Variants in CFAP74 observed in about 807,000 individuals in gnomAD.
The protein encoded by CFAP74 is cilia- and flagella-associated protein 74.
Under a neutral mutation model 188.9 loss-of-function variants are expected in CFAP74, and 124 were observed. The observed-to-expected ratio is 0.66, with a 90% CI of 0.57 to 0.76. The LOEUF is 0.76. CFAP74 is among the 30% of genes least tolerant of loss of function. The pLI is 0.00. For missense variants in CFAP74, 2,198 were observed against 2,165.2 expected (o/e 1.02, Z -0.30); for synonymous variants, 956 against 916.7 (o/e 1.04, Z -0.77).
Position 1,985,372 on chromosome 1 carries a change from GCA to G in CFAP74, c.500+12_500+13del, listed in dbSNP as rs768417167. 6.2e-7 allele frequency: 1 copy of G among 1,608,222 alleles called. No individual in the cohort carries two copies. The highest frequency in any genetic ancestry group is 8.5e-7 in the Non-Finnish European group (1 of 1,174,814). On this transcript the variant is annotated intron_variant, in intron 6 of 38. Coordinates refer to ENST00000682832, the MANE Select transcript of CFAP74 (RefSeq NM_001304360.2). Reference sequence around the variant, plus strand: ...GGCCTGCCTGCTGCCAGTCCCGGCTGCACACCGACTCACTCGCTCTCCTTCAG... The same window carrying G: ...GGCCTGCCTGCTGCCAGTCCCGGCTGCACCGACTCACTCGCTCTCCTTCAG...
Position 1,922,641 on chromosome 1 carries a change from C to G in CFAP74, c.4766G>C (p.Arg1589Pro), listed in dbSNP as rs757596178. 1.2e-6 allele frequency: 2 copies of G among 1,604,286 alleles called. No homozygotes were observed. The change falls in exon 38 of 39, where the codon CGC (arginine) becomes CCC (proline). Residue 1589 changes from arginine to proline, a missense_variant. Transcript: ENST00000682832. Reference sequence around the variant, plus strand: ...GATGCTGATGGTCTTCGTCTGGCCGCGCTCCACGGAGCCCCTGGAGGGCTC... The same window carrying G: ...GATGCTGATGGTCTTCGTCTGGCCGGGCTCCACGGAGCCCCTGGAGGGCTC... ...SIEPSRGSVE[R>P]GQTKTISISW...
At chr1:1,988,863 C>T (rs1448087394) in intron 3 of CFAP74, 26 bp downstream of exon 3, 3 of 915,112 alleles carry the variant, frequency 3.3e-6, no homozygotes, top group Admixed American at 4.1e-5. Flanking sequence ...CCCACACCCA[C>T]CTCCACCCCC....
In CFAP74 at chr1:1,942,021, C is replaced by T; in HGVS notation, c.2615+7G>A. On this transcript the variant is annotated splice_region_variant and intron_variant, in intron 22 of 38. Transcript: ENST00000682832. This position sits in a 1 kb window ranked among gnomAD's most constrained non-coding sequence, Gnocchi z 4.3. ...TCCTGTCCCGGCCTTGGCGTCCTGG[C>T]ACCTACCGCGGCAGGAACTTGAGCT... The T allele has an allele frequency of 4.7e-6, 7 of 1,491,590 alleles. No homozygotes were observed. The highest frequency in any genetic ancestry group is 1.3e-5 in the South Asian group (1 of 76,900). 92.4% of individuals were successfully genotyped at this position (1,491,590 alleles called of 1,614,324 possible). A position where few individuals can be genotyped will look rare whatever the true frequency, so the allele number is the denominator to read the frequency against.
chr1:1,941,992 G>A (rs567734918), intron 22 of CFAP74, 36 bp downstream of exon 22: 21 of 1,448,342 alleles, frequency 1.4e-5, no homozygotes, highest in Admixed American at 1.3e-4. Context: ...AACCTCCCAC[G>A]TCCTCCTGTC....
intron 12 of CFAP74, among the ~76,000 whole-genome samples, chr1:1,965,864 C>T (rs935822871): frequency 1.3e-5 from 2 of 152,242 alleles, no homozygotes; most frequent in Admixed American, 1.3e-4. Context: ...GCATTGCCCT[C>T]CCACGTGGGA....
chr1:1,978,657 G>A (rs1280321218), intron 6 of CFAP74, among the ~76,000 whole-genome samples: 4 of 152,160 alleles, frequency 2.6e-5, no homozygotes, highest in African/African-American at 7.2e-5. Context: ...GGAGGCTTCC[G>A]TGGGGAACCA....
intron 1 of CFAP74, among the ~76,000 whole-genome samples, chr1:1,991,902 T>A (rs565159551): frequency 3.3e-5 from 5 of 151,606 alleles, no homozygotes; most frequent in African/African-American, 4.8e-5. Flanking sequence ...TAGCCGGGCA[T>A]GGTGGCAGGC....
At chr1:1,955,494 T>C in intron 18 of CFAP74, 197 bp downstream of exon 18, 1 of 1,601,156 alleles carries the variant, frequency 6.2e-7, no homozygotes, top group Non-Finnish European at 8.5e-7. Flanking sequence ...TCAACGTGAA[T>C]GTACATTTTC....
chr1:1,925,476 A>AGGGGGTGGGTGGTGGGTGG (rs2102029692), intron 33 of CFAP74, among the ~76,000 whole-genome samples: 1 of 80,700 alleles, frequency 1.2e-5, no homozygotes, highest in Admixed American at 1.4e-4. Context: ...GCAGCAGGGC[A>AGGGGGTGGGTGGTGGGTGG]GGGGGTGGGT....
chr1:1,970,903 T>C (rs1448080020), intron 9 of CFAP74, 87 bp from the exon 10 acceptor site: 2 of 1,522,416 alleles, frequency 1.3e-6, no homozygotes, highest in East Asian at 4.5e-5. Context: ...ACACACAGGT[T>C]CATACATGCA....
At position 1,989,103 on chromosome 1, in the gene CFAP74, G is replaced by T; in HGVS notation, c.68-130C>A. On this transcript the variant is annotated intron_variant, in intron 2 of 38. Transcript: ENST00000682832. ...AACCTGCTGCACTGCAGCCACACAAGCACAGGCAGAGGTAAACAGCCTGGG... is the reference window on the plus strand; with the variant it reads ...AACCTGCTGCACTGCAGCCACACAATCACAGGCAGAGGTAAACAGCCTGGG... The T allele has an allele frequency of 6.5e-6, 3 of 463,932 alleles. No homozygotes were observed. The South Asian group carries it at 6.7e-5, about 10-fold the overall frequency. 28.7% of individuals were successfully genotyped at this position (463,932 alleles called of 1,614,324 possible). A position where few individuals can be genotyped will look rare whatever the true frequency, so the allele number is the denominator to read the frequency against.
chr1:1,942,087 G>A lies in CFAP74; in HGVS notation c.2556C>T (p.Pro852=), dbSNP rs762639624. 3.5e-5 allele frequency: 54 copies of A among 1,532,312 alleles called. 2 individuals carry two copies. The South Asian group carries it at 4.2e-4, about 12-fold the overall frequency. 94.9% of individuals were successfully genotyped at this position (1,532,312 alleles called of 1,614,324 possible). ...ACTGTGCCTGGATATAGCCTGTCTTGGGCAGGAGCTCCAGGTGGGCCCTCA... is the reference window on the plus strand; with the variant it reads ...ACTGTGCCTGGATATAGCCTGTCTTAGGCAGGAGCTCCAGGTGGGCCCTCA... ...KELRAHLELL[P]KTGYIQAQSS... The change falls in exon 22 of 39, where the codon CCC becomes CCT. Residue 852 remains proline, a synonymous_variant. Coordinates refer to ENST00000682832, the MANE Select transcript of CFAP74 (RefSeq NM_001304360.2). The surrounding 1 kb of genome is among the most constrained non-coding windows in gnomAD (Gnocchi z 4.3).
intron 8 of CFAP74, 70 bp from the exon 9 acceptor site, chr1:1,972,152 C>A: frequency 8.4e-7 from 1 of 1,187,894 alleles, no homozygotes; most frequent in Non-Finnish European, 1.2e-6. Flanking sequence ...GCGATCACAG[C>A]TCTCTGCAGC....
chr1:1,990,820 C>A (rs548016402), intron 2 of CFAP74, 70 bp downstream of exon 2: 2 of 1,191,482 alleles, frequency 1.7e-6, no homozygotes, highest in Non-Finnish European at 2.4e-6. Context: ...AATTAAAGGG[C>A]TACTATGAAG....
chr1:1,981,930 G>A (rs868771866), intron 6 of CFAP74, among the ~76,000 whole-genome samples: 2 of 64,352 alleles, frequency 3.1e-5, no homozygotes, highest in South Asian at 6.1e-4. Flanking sequence ...ACACAGCCGC[G>A]GACAGACACG....
chr1:1,922,331 T>C lies in CFAP74; in HGVS notation c.4876A>G (p.Thr1626Ala). 6.2e-7 allele frequency: 1 copy of C among 1,605,276 alleles called. No individual in the cohort carries two copies. Among genetic ancestry groups the C allele is most frequent in the Non-Finnish European group, 8.5e-7 (1 of 1,177,600 alleles). The change falls in exon 39 of 39, where the codon ACC (threonine) becomes GCC (alanine). Residue 1626 changes from threonine to alanine, a missense_variant. Transcript: ENST00000682832. ...LLQLRGDVKE[T>A]YKVIFVAQVL... Reference sequence around the variant, plus strand: ...TGGGCTACAAAGATGACCTTGTAGGTCTCCTTCACATCCCCCCTTAGCTGC... The same window carrying C: ...TGGGCTACAAAGATGACCTTGTAGGCCTCCTTCACATCCCCCCTTAGCTGC...
rs1652018786 is a variant in CFAP74 at position 1,927,669 on chromosome 1, G to A, written c.3465C>T (p.Asp1155=). 6.5e-7 allele frequency: 1 copy of A among 1,550,206 alleles called. No individual in the cohort carries two copies. Among genetic ancestry groups the A allele is most frequent in the Non-Finnish European group, 8.7e-7 (1 of 1,146,842 alleles). Reference sequence around the variant, plus strand: ...GGGGGACAGAGACTTTGAACAGCTTGTCGCGGTTCTGTGCTCGAAGAACGG... The same window carrying A: ...GGGGGACAGAGACTTTGAACAGCTTATCGCGGTTCTGTGCTCGAAGAACGG... The part of the protein sequence containing the change: ...SFSVLRAQNR[D]KLFKVSVPHV... The change falls in exon 28 of 39, where the codon GAC becomes GAT. Residue 1155 remains aspartate (D), a synonymous_variant. Coordinates refer to ENST00000682832, the MANE Select transcript of CFAP74 (RefSeq NM_001304360.2).
At chr1:1,991,541 T>G (rs1353362937) in intron 1 of CFAP74, among the ~76,000 whole-genome samples, 1 of 151,940 alleles carries the variant, frequency 6.6e-6, no homozygotes. Context: ...AGGCAGAGGT[T>G]GCAGTGAGCC....
rs1173902369 is a variant in CFAP74, at chr1:1,925,918, G to A, written c.3969C>T (p.Ile1323=). ...ESILAQETLD[I]ITKRGTLTLT... ...GGGTGAGCGTGCCTCTCTTGGTGAT[G>A]ATGTCCAGTGTTTCTTGAGCCTAAA... Residue 1323 remains isoleucine, a synonymous_variant, in exon 33 of 39, where the codon ATC becomes ATT. Transcript: ENST00000682832. 4 of 1,610,592 alleles carry A rather than the reference G, an allele frequency of 2.5e-6. No individual in the cohort carries two copies. The African/African-American group carries it at 5.3e-5, about 22-fold the overall frequency.
Sources: gnomAD v4.1 joint callset for allele counts (sites outside exome capture counted in the v4.1 genomes callset) on GRCh38, gnomAD v4.1.1 for gene constraint, Gnocchi (gnomAD v3.1) non-coding constraint, MANE v1.5 for transcripts, NCBI Gene and HGNC (gene_info 2026-07-23, HGNC 2026-07-21) for gene names.